The following PTPRJ variants were observed in gnomAD, a reference collection of about 807,000 sequenced individuals.
PTPRJ encodes receptor-type tyrosine-protein phosphatase eta.
PTPRJ carries 129 observed loss-of-function variants against 141.3 expected under a neutral mutation model. The ratio of observed to expected loss-of-function variants is 0.91; its 90% CI spans 0.79 to 1.06. The LOEUF (loss-of-function observed/expected upper bound fraction) is 1.06, where lower values mean the gene tolerates loss of function less well. Ranked by LOEUF, PTPRJ falls within the 50% of genes least tolerant of loss-of-function variation. The pLI, the probability that PTPRJ is intolerant of heterozygous loss-of-function variation, is 0.00. For missense variants in PTPRJ, 1,601 were observed against 1,679.7 expected (o/e 0.95, Z 0.82); for synonymous variants, 610 against 640.5 (o/e 0.95, Z 0.72).
intron 6 of PTPRJ, among the ~76,000 whole-genome samples, chr11:48,126,321 C>A (rs184850196): frequency 5.3e-5 from 8 of 152,056 alleles, no homozygotes; most frequent in African/African-American, 1.7e-4. Flanking sequence ...TCACACACAT[C>A]CTGCTTTGGG....
rs1857150304 is a variant in PTPRJ, at chr11:48,138,253, T to C, written c.2152+972T>C. 6.6e-5 allele frequency among the ~76,000 whole-genome samples: 10 copies of C among 152,220 alleles called. No homozygotes were observed. The South Asian group carries it at 2.1e-3, about 32-fold the overall frequency. ...CCCTGCAGCTTTGGGTCACTTCTGC[T>C]CCATCCCACCTGGTCTAGACACCCA... On this transcript the variant is annotated intron_variant, in intron 10 of 24. Coordinates refer to ENST00000418331, the MANE Select transcript of PTPRJ (RefSeq NM_002843.4).
intron 1 of PTPRJ, among the ~76,000 whole-genome samples, chr11:48,068,670 A>G (rs924192357): frequency 1.3e-5 from 2 of 152,232 alleles, no homozygotes; most frequent in African/African-American, 4.8e-5. Flanking sequence ...TAGTGACGGC[A>G]AGAGCTCACG....
At chr11:48,004,306 C>T (rs1384058921) in intron 1 of PTPRJ, among the ~76,000 whole-genome samples, 1 of 152,208 alleles carries the variant, frequency 6.6e-6, no homozygotes, top group Non-Finnish European at 1.5e-5. Context: ...TGCGTCCTCC[C>T]TACCCTTTCT....
At chr11:48,103,692 A>G (rs980456025) in intron 1 of PTPRJ, among the ~76,000 whole-genome samples, 5 of 152,230 alleles carry the variant, frequency 3.3e-5, no homozygotes, top group Non-Finnish European at 5.9e-5. Context: ...TATGTATGAA[A>G]TGTGGAACTC....
chr11:48,163,361 C>G (rs1323152581), intron 22 of PTPRJ, 97 bp from the exon 23 acceptor site: 4 of 1,192,882 alleles, frequency 3.4e-6, no homozygotes, highest in East Asian at 4.7e-5. Context: ...CATTACAACT[C>G]CTGGTTAGTA....
chr11:48,005,297 C>T (rs1420261048), intron 1 of PTPRJ, among the ~76,000 whole-genome samples: 3 of 151,982 alleles, frequency 2.0e-5, no homozygotes, highest in African/African-American at 7.2e-5. Flanking sequence ...TGTCTAGTTC[C>T]AGAATATTTT....
intron 1 of PTPRJ, among the ~76,000 whole-genome samples, chr11:48,065,024 T>A (rs926207433): frequency 2.8e-5 from 4 of 143,658 alleles, no homozygotes; most frequent in African/African-American, 1.0e-4. Flanking sequence ...TTTTTTTTTT[T>A]TTTTTTTGAG....
intron 1 of PTPRJ, among the ~76,000 whole-genome samples, chr11:48,069,312 C>G (rs1214186860): frequency 1.3e-5 from 2 of 151,194 alleles, no homozygotes; most frequent in African/African-American, 4.9e-5. Context: ...GTTGGCCAGA[C>G]TGGTCTTGAA....
chr11:48,070,674 C>G (rs1007910391), intron 1 of PTPRJ, among the ~76,000 whole-genome samples: 2 of 152,178 alleles, frequency 1.3e-5, no homozygotes, highest in African/African-American at 4.8e-5. Flanking sequence ...GTTTAATTCA[C>G]CTGAGTAATA....
intron 18 of PTPRJ, among the ~76,000 whole-genome samples, chr11:48,152,360 T>C (rs1274765511): frequency 6.6e-6 from 1 of 152,198 alleles, no homozygotes; most frequent in Non-Finnish European, 1.5e-5. Context: ...CTTTGTCAGA[T>C]GGGTAGATTG....
intron 1 of PTPRJ, among the ~76,000 whole-genome samples, chr11:48,053,229 TTATATATAATATA>T (rs1440010307): frequency 5.6e-5 from 5 of 89,120 alleles, no homozygotes; most frequent in Non-Finnish European, 1.0e-4. Flanking sequence ...ATTAAATATA[TTATATATAATATA>T]TTTATATAAT....
intron 18 of PTPRJ, among the ~76,000 whole-genome samples, chr11:48,152,684 A>C (rs1857513665): frequency 6.6e-6 from 1 of 152,200 alleles, no homozygotes; most frequent in Middle Eastern, 3.2e-3. Flanking sequence ...TAAATTGGGA[A>C]TCCTTTCCCC....
At chr11:48,094,117 C>G (rs1416315336) in intron 1 of PTPRJ, among the ~76,000 whole-genome samples, 1 of 152,136 alleles carries the variant, frequency 6.6e-6, no homozygotes, top group Non-Finnish European at 1.5e-5. Flanking sequence ...CTTATTAATC[C>G]CATTCATATT....
intron 1 of PTPRJ, among the ~76,000 whole-genome samples, chr11:48,066,016 G>A (rs904954652): frequency 6.6e-6 from 1 of 152,184 alleles, no homozygotes; most frequent in Non-Finnish European, 1.5e-5. Flanking sequence ...GCACGGTGGT[G>A]TGCACCTGTA....
At position 48,124,365 on chromosome 11, in the gene PTPRJ, T is replaced by C. The variant is rs147126390; in HGVS notation, c.874+495T>C. Among the ~76,000 whole-genome samples the C allele has an allele frequency of 1.2e-4, 19 of 152,330 alleles. No individual in the cohort carries two copies. In the East Asian group the frequency reaches 3.3e-3, roughly 26 times the overall value. On this transcript the variant is annotated intron_variant, in intron 5 of 24. Transcript: ENST00000418331. Reference sequence around the variant, plus strand: ...TGCTTGCGAGTGACAGAAACCAGACTTTGGATAGCTCAGACAGAAGGAACA... The same window carrying C: ...TGCTTGCGAGTGACAGAAACCAGACCTTGGATAGCTCAGACAGAAGGAACA...
chr11:48,054,555 C>A (rs991504675), intron 1 of PTPRJ, among the ~76,000 whole-genome samples: 1 of 152,076 alleles, frequency 6.6e-6, no homozygotes, highest in African/African-American at 2.4e-5. Flanking sequence ...TAGTTAGAAG[C>A]ACATCATCTT....
chr11:48,145,060 T>C lies in PTPRJ; in HGVS notation c.2847T>C (p.Asp949=), dbSNP rs1363970845. Residue 949 remains aspartate (D), a synonymous_variant, in exon 14 of 25, where the codon GAT becomes GAC. Transcript: ENST00000418331. ...ACCCTCAAAACAAGGGGCTCATTGA[T>C]GGGGCTGAGAGCTATGTGTCCTTCA... ...TFHPQNKGLI[D]GAESYVSFSR... The C allele has an allele frequency of 3.1e-6, 5 of 1,614,186 alleles. No individual in the cohort carries two copies. The highest frequency in any genetic ancestry group is 4.2e-6 in the Non-Finnish European group (5 of 1,180,014).
In PTPRJ at chr11:48,127,811, G is replaced by A. The variant is rs770961355; in HGVS notation, c.1125G>A (p.Val375=). The change falls in exon 7 of 25, where the codon GTG becomes GTA. Residue 375 remains valine, a synonymous_variant. Transcript: ENST00000418331. ...TTCAGGTTTTTGACGTCACCGCTGT[G>A]AACATCAGTGCCACAAGCCTGACCC... The part of the protein sequence containing the change: ...NAIQVFDVTA[V]NISATSLTLI... 4.2e-5 allele frequency: 68 copies of A among 1,614,042 alleles called. No individual in the cohort carries two copies. The highest frequency in any genetic ancestry group is 5.7e-5 in the Non-Finnish European group (67 of 1,180,034).
intron 1 of PTPRJ, among the ~76,000 whole-genome samples, chr11:48,099,513 C>T (rs1046352818): frequency 3.3e-5 from 5 of 152,072 alleles, no homozygotes; most frequent in Non-Finnish European, 7.4e-5. Context: ...TTACAGAAGA[C>T]GTTTGCTGAC....
Sources: allele counts gnomAD v4.1 joint callset (sites outside exome capture counted in the v4.1 genomes callset), GRCh38; gene constraint gnomAD v4.1.1; transcripts MANE v1.5; gene names NCBI Gene and HGNC (gene_info 2026-07-23, HGNC 2026-07-21).